LRRC38: variants seen among roughly 807,000 people sequenced by gnomAD.
The protein encoded by LRRC38 is leucine rich repeat containing 38.
In LRRC38, 5 loss-of-function variants were observed where a neutral mutation model predicts 16.4. The observed-to-expected ratio is 0.31, with a 90% CI of 0.16 to 0.64. LRRC38 has a LOEUF of 0.64. Among genes scored for constraint, LRRC38 ranks in the 30% least tolerant of loss-of-function variants. The pLI is 0.80. For missense variants in LRRC38, 341 were observed against 401.8 expected (o/e 0.85, Z 1.29); for synonymous variants, 191 against 190.2 (o/e 1.00, Z -0.04).
At chr1:13,505,292 G>C (rs1639199594) in intron 1 of LRRC38, among the ~76,000 whole-genome samples, 1 of 152,220 alleles carries the variant, frequency 6.6e-6, no homozygotes, top group African/African-American at 2.4e-5. Context: ...CTCCTGCATA[G>C]CAGGAGCTGC....
rs1481484064 is a variant in LRRC38 at position 13,513,058 on chromosome 1, C to CGCAGCGCGG, written c.527_535dup (p.Pro176_Leu178dup). 1.3e-6 allele frequency: 2 copies of CGCAGCGCGG among 1,550,168 alleles called. No individual in the cohort carries two copies. The highest frequency in any genetic ancestry group is 1.7e-6 in the Non-Finnish European group (2 of 1,146,762). On this transcript the variant is annotated inframe_insertion, in exon 1 of 2. Transcript: ENST00000376085. ...GGGGTTCCCGTCCAGACGCAGGGAG[C>CGCAGCGCGG]GCAGCGCGGGCAGCGCGGCCAGGGC...
chr1:13,504,378 C>T (rs1005802060), intron 1 of LRRC38, among the ~76,000 whole-genome samples: 3 of 152,084 alleles, frequency 2.0e-5, no homozygotes, highest in African/African-American at 7.2e-5. Context: ...TTTTCTGCCA[C>T]ACAGATAGGA....
intron 1 of LRRC38, among the ~76,000 whole-genome samples, chr1:13,499,392 C>T (rs1639120656): frequency 6.6e-6 from 1 of 152,320 alleles, no homozygotes; most frequent in East Asian, 1.9e-4. Flanking sequence ...AGCCACCGCA[C>T]CTGGCCAGAT....
chr1:13,482,180 G>C (rs1457457292), intron 1 of LRRC38, among the ~76,000 whole-genome samples: 1 of 152,136 alleles, frequency 6.6e-6, no homozygotes, highest in Non-Finnish European at 1.5e-5. Context: ...GAGAGTGGGA[G>C]GAAGAGAGAG....
At position 13,513,602 on chromosome 1, in the gene LRRC38, G is replaced by T. The variant is rs1389024851; in HGVS notation, c.-9C>A. On this transcript the variant is annotated 5_prime_UTR_variant, in exon 1 of 2. Transcript: ENST00000376085. ...GGGGCTCGGGGGCGCATGGCCGGGG[G>T]GCCCGCGCCGGCCGCGGCGAGAAGG... is the stretch of plus-strand genomic sequence containing the variant. 1.8e-6 allele frequency: 2 copies of T among 1,085,028 alleles called. No homozygotes were observed. Among genetic ancestry groups the T allele is most frequent in the Non-Finnish European group, 2.2e-6 (2 of 896,172 alleles). 67.2% of individuals were successfully genotyped at this position (1,085,028 alleles called of 1,614,324 possible).
At chr1:13,501,223 C>G (rs1328357720) in intron 1 of LRRC38, among the ~76,000 whole-genome samples, 1 of 151,606 alleles carries the variant, frequency 6.6e-6, no homozygotes, top group Admixed American at 6.6e-5. Context: ...TGAATATATA[C>G]AGCATATAAA....
rs564914322 is a variant in LRRC38, at chr1:13,495,309, G to A, written c.631+17654C>T. Among the ~76,000 whole-genome samples, 6 of 152,286 alleles carry A rather than the reference G, an allele frequency of 3.9e-5. No individual in the cohort carries two copies. In the South Asian group the frequency reaches 6.2e-4, roughly 16 times the overall value. ...GGAGCTGAACATAAACTAGATGTAC[G>A]TGATACATATTTAGAAGCCGATTCT... On this transcript the variant is annotated intron_variant, in intron 1 of 1. Coordinates refer to ENST00000376085, the MANE Select transcript of LRRC38 (RefSeq NM_001010847.2).
chr1:13,500,583 A>G (rs1639136397), intron 1 of LRRC38, among the ~76,000 whole-genome samples: 1 of 152,236 alleles, frequency 6.6e-6, no homozygotes, highest in Admixed American at 6.5e-5. Flanking sequence ...TTCCGGACCG[A>G]ACCAAGGTAC....
chr1:13,499,968 T>C (rs560920840), intron 1 of LRRC38, among the ~76,000 whole-genome samples: 110 of 152,208 alleles, frequency 7.2e-4, no homozygotes, highest in African/African-American at 2.6e-3. Flanking sequence ...CTACAAAGAT[T>C]GGCTGGGCTT....
chr1:13,503,672 C>A (rs534162827), intron 1 of LRRC38, among the ~76,000 whole-genome samples: 1 of 152,190 alleles, frequency 6.6e-6, no homozygotes, highest in African/African-American at 2.4e-5. Context: ...CTCATTCCTG[C>A]ACTCCTTACC....
Position 13,475,998 on chromosome 1 carries a change from G to A in LRRC38, c.733C>T (p.Leu245Phe). The A allele has an allele frequency of 6.4e-7, 1 of 1,550,612 alleles. No individual in the cohort carries two copies. Among genetic ancestry groups the A allele is most frequent in the East Asian group, 2.4e-5 (1 of 40,916 alleles). The change falls in exon 2 of 2, where the codon CTC becomes TTC. Residue 245 changes from leucine to phenylalanine, a missense_variant. Coordinates refer to ENST00000376085, the MANE Select transcript of LRRC38 (RefSeq NM_001010847.2). This position sits in a 1 kb window ranked among gnomAD's most constrained non-coding sequence, Gnocchi z 4.3. ...SFSECRFSLS[L>F]TDLCIIIFSG... ...AAAATGATGATGCAGAGGTCTGTGA[G>A]TGACAGGCTGAACCTACACTCGCTG...
intron 1 of LRRC38, among the ~76,000 whole-genome samples, chr1:13,504,235 C>T (rs1013633962): frequency 1.8e-4 from 27 of 151,830 alleles, no homozygotes; most frequent in African/African-American, 6.3e-4. Context: ...TACATTTGAC[C>T]GGGGACACTG....
intron 1 of LRRC38, among the ~76,000 whole-genome samples, chr1:13,477,032 G>A (rs1044497768): frequency 1.3e-5 from 2 of 152,134 alleles, no homozygotes; most frequent in Non-Finnish European, 2.9e-5. Flanking sequence ...TTGAACCCAG[G>A]AGGCAGAGGT....
intron 1 of LRRC38, among the ~76,000 whole-genome samples, chr1:13,476,601 T>C: frequency 6.6e-6 from 1 of 152,188 alleles, no homozygotes; most frequent in East Asian, 1.9e-4. Flanking sequence ...AGTGCTGGGA[T>C]TACAGGCGTG....
Position 13,513,090 on chromosome 1 carries a change from G to A in LRRC38, c.504C>T (p.Ser168=), listed in dbSNP as rs1459540469. The change falls in exon 1 of 2, where the codon AGC becomes AGT. Residue 168 remains serine (S), a synonymous_variant. Coordinates refer to ENST00000376085, the MANE Select transcript of LRRC38 (RefSeq NM_001010847.2). ...CGGGCAGCGCGGCCAGGGCGGCCACGCTGAGGCTGCGCAGGTTGTTGTCGT... is the reference window on the plus strand; with the variant it reads ...CGGGCAGCGCGGCCAGGGCGGCCACACTGAGGCTGCGCAGGTTGTTGTCGT... ...ELNDNNLRSL[S]VAALAALPAL... 1 of 1,550,222 alleles carries A rather than the reference G, an allele frequency of 6.5e-7. No homozygotes were observed. The highest frequency in any genetic ancestry group is 2.4e-5 in the East Asian group (1 of 40,876).
chr1:13,488,858 C>T (rs1029111068), intron 1 of LRRC38, among the ~76,000 whole-genome samples: 1 of 152,004 alleles, frequency 6.6e-6, no homozygotes, highest in African/African-American at 2.4e-5. Context: ...GGCCGTCGTG[C>T]GAAGGGGGGA....
chr1:13,485,214 T>G (rs1226196321), intron 1 of LRRC38, among the ~76,000 whole-genome samples: 1 of 146,716 alleles, frequency 6.8e-6, no homozygotes, highest in African/African-American at 2.5e-5. Flanking sequence ...GAGGCGGAGG[T>G]TGTGATGAGC....
At chr1:13,508,923 C>T (rs1177424722) in intron 1 of LRRC38, among the ~76,000 whole-genome samples, 1 of 152,184 alleles carries the variant, frequency 6.6e-6, no homozygotes, top group East Asian at 1.9e-4. Context: ...CAGCAAGCCC[C>T]AGGTCAGATC....
At chr1:13,504,260 C>T (rs1639183764) in intron 1 of LRRC38, among the ~76,000 whole-genome samples, 1 of 152,096 alleles carries the variant, frequency 6.6e-6, no homozygotes, top group Non-Finnish European at 1.5e-5. Flanking sequence ...CCAGGAACAT[C>T]AGGGGACTTA....
Sources: gnomAD v4.1 joint callset for allele counts (sites outside exome capture counted in the v4.1 genomes callset) on GRCh38, gnomAD v4.1.1 for gene constraint, Gnocchi (gnomAD v3.1) non-coding constraint, MANE v1.5 for transcripts, NCBI Gene and HGNC (gene_info 2026-07-23, HGNC 2026-07-21) for gene names.